The following TAFA2 variants were observed in gnomAD, a reference collection of about 807,000 sequenced individuals.
TAFA2 encodes TAFA chemokine like family member 2, also known as chemokine-like protein TAFA-2.
Under a neutral mutation model 18.8 loss-of-function variants are expected in TAFA2, and 7 were observed. The observed-to-expected ratio is 0.37, with a 90% CI of 0.21 to 0.70. The LOEUF (loss-of-function observed/expected upper bound fraction) is 0.70. Ranked by LOEUF, TAFA2 falls within the 30% of genes least tolerant of loss-of-function variation. TAFA2 has a pLI of 0.53. For synonymous variants in TAFA2, 60 were observed against 54.2 expected (o/e 1.11, Z -0.47); for missense variants, 122 against 158.1 (o/e 0.77, Z 1.23).
At chr12:61,942,041 T>C (rs1376278581) in intron 1 of TAFA2, among the ~76,000 whole-genome samples, 1 of 151,530 alleles carries the variant, frequency 6.6e-6, no homozygotes. Flanking sequence ...CTCTGAAGAC[T>C]TAAATGTCCC....
chr12:62,034,279 G>C (rs1451038225), intron 1 of TAFA2, among the ~76,000 whole-genome samples: 1 of 152,036 alleles, frequency 6.6e-6, no homozygotes, highest in Non-Finnish European at 1.5e-5. Flanking sequence ...CACACTGTAA[G>C]GGACAGGATG....
intron 1 of TAFA2, among the ~76,000 whole-genome samples, chr12:62,031,240 GTCACCATC>G (rs950718955): frequency 3.5e-4 from 53 of 152,198 alleles, no homozygotes; most frequent in African/African-American, 1.3e-3. Context: ...AATCTGGGTG[GTCACCATC>G]TAAGAAACTA....
chr12:61,786,882 C>T (rs1327552579), intron 2 of TAFA2, among the ~76,000 whole-genome samples: 1 of 151,022 alleles, frequency 6.6e-6, no homozygotes, highest in Non-Finnish European at 1.5e-5. Flanking sequence ...AGCTAACAAG[C>T]CAAATAAGAT....
intron 1 of TAFA2, among the ~76,000 whole-genome samples, chr12:61,926,663 C>T (rs1592491930): frequency 1.3e-5 from 2 of 152,162 alleles, no homozygotes; most frequent in African/African-American, 2.4e-5. Context: ...ATGCTAAAAA[C>T]TCTCAATAAA....
chr12:62,124,582 G>A (rs1051060870), intron 1 of TAFA2, among the ~76,000 whole-genome samples: 2 of 152,068 alleles, frequency 1.3e-5, no homozygotes, highest in Admixed American at 1.3e-4. Flanking sequence ...TATAAAAGGA[G>A]AATGGTTAAA....
intron 1 of TAFA2, among the ~76,000 whole-genome samples, chr12:62,083,939 T>C (rs1483150901): frequency 1.3e-5 from 2 of 152,204 alleles, no homozygotes; most frequent in Non-Finnish European, 2.9e-5. Flanking sequence ...TTTATTCTCA[T>C]TGTATGTGTG....
chr12:61,941,422 C>A (rs1565689498), intron 1 of TAFA2, among the ~76,000 whole-genome samples: 1 of 152,082 alleles, frequency 6.6e-6, no homozygotes, highest in Non-Finnish European at 1.5e-5. Context: ...AAGATCTTGC[C>A]AAAATTAAGA....
chr12:62,096,773 T>C lies in TAFA2; in HGVS notation c.-2+94486A>G, dbSNP rs1286799692. On this transcript the variant is annotated intron_variant, in intron 1 of 4. Transcript: ENST00000416284. The stretch of plus-strand genomic sequence containing the variant: ...CAAATGGCTTAGCTTGTCACTCTCG[T>C]GCAGTTTGCAAACCCTTCCCCAAGC... Among the ~76,000 whole-genome samples the C allele has an allele frequency of 3.3e-5, 5 of 152,140 alleles. No homozygotes were observed. The South Asian group carries it at 1.0e-3, about 31-fold the overall frequency.
chr12:61,992,584 A>C (rs1880048877), intron 1 of TAFA2, among the ~76,000 whole-genome samples: 1 of 152,088 alleles, frequency 6.6e-6, no homozygotes, highest in African/African-American at 2.4e-5. Context: ...TCCCCTCAAA[A>C]TGTCTAAATG....
intron 1 of TAFA2, among the ~76,000 whole-genome samples, chr12:62,220,666 T>G (rs1331945033): frequency 6.6e-6 from 1 of 152,102 alleles, no homozygotes; most frequent in South Asian, 2.1e-4. Flanking sequence ...ATGTTGATAG[T>G]GGGGGAAGAG....
chr12:61,755,049 A>T (rs776382367), intron 2 of TAFA2, 25 bp from the exon 3 acceptor site: 1 of 1,610,670 alleles, frequency 6.2e-7, no homozygotes, highest in Non-Finnish European at 8.5e-7. Flanking sequence ...AAGATAAGAC[A>T]ACATTGAGAA....
At chr12:61,738,497 A>T (rs1868346920) in intron 4 of TAFA2, among the ~76,000 whole-genome samples, 1 of 152,188 alleles carries the variant, frequency 6.6e-6, no homozygotes, top group East Asian at 1.9e-4. Context: ...GAAAAAGAAG[A>T]ATTGTCTCCT....
chr12:62,201,621 G>C (rs2062671424), intron 1 of TAFA2, among the ~76,000 whole-genome samples: 1 of 152,172 alleles, frequency 6.6e-6, no homozygotes, highest in Admixed American at 6.5e-5. Flanking sequence ...TTTTTGATGT[G>C]CTGCTGCATT....
intron 1 of TAFA2, among the ~76,000 whole-genome samples, chr12:61,886,641 C>T (rs1257283398): frequency 3.3e-5 from 5 of 152,314 alleles, no homozygotes; most frequent in Admixed American, 6.5e-5. Context: ...TGGTCCACAT[C>T]TGTGTCCACT....
At chr12:62,127,493 A>G (rs1439953023) in intron 1 of TAFA2, among the ~76,000 whole-genome samples, 1 of 152,084 alleles carries the variant, frequency 6.6e-6, no homozygotes, top group African/African-American at 2.4e-5. Flanking sequence ...TTAAGTTGTG[A>G]CAAAATCCAT....
At chr12:61,895,742 A>T (rs940888926) in intron 1 of TAFA2, among the ~76,000 whole-genome samples, 6 of 152,150 alleles carry the variant, frequency 3.9e-5, no homozygotes, top group African/African-American at 1.4e-4. Flanking sequence ...GTATCACAGG[A>T]GTCCATGCCA....
chr12:62,213,806 G>T (rs1369097326), intron 1 of TAFA2, among the ~76,000 whole-genome samples: 1 of 152,116 alleles, frequency 6.6e-6, no homozygotes, highest in African/African-American at 2.4e-5. Context: ...TTTACTCCAA[G>T]AGTAGGTAGC....
At chr12:61,751,033 C>T (rs1311699206) in intron 4 of TAFA2, among the ~76,000 whole-genome samples, 1 of 152,010 alleles carries the variant, frequency 6.6e-6, no homozygotes, top group African/African-American at 2.4e-5. Context: ...AAAATAATGA[C>T]TCAAATTTGT....
intron 1 of TAFA2, among the ~76,000 whole-genome samples, chr12:61,972,636 T>G (rs941566358): frequency 6.6e-6 from 1 of 151,658 alleles, no homozygotes; most frequent in African/African-American, 2.4e-5. Context: ...GAATGAAGAA[T>G]CTGTACTGGA....
Sources: gnomAD v4.1 joint callset for allele counts (sites outside exome capture counted in the v4.1 genomes callset) on GRCh38, gnomAD v4.1.1 for gene constraint, MANE v1.5 for transcripts, NCBI Gene and HGNC (gene_info 2026-07-23, HGNC 2026-07-21) for gene names.